SYNDIG1: variants seen among roughly 807,000 people sequenced by gnomAD.
The protein encoded by SYNDIG1 is synapse differentiation inducing 1, also known as synapse differentiation-inducing gene protein 1.
Under a neutral mutation model 19.4 loss-of-function variants are expected in SYNDIG1, and 9 were observed. The observed-to-expected ratio is 0.46, with a 90% CI of 0.28 to 0.81. SYNDIG1 has a LOEUF of 0.81. Ranked by LOEUF, SYNDIG1 falls within the 30% of genes least tolerant of loss-of-function variation. The pLI, the probability that SYNDIG1 is intolerant of heterozygous loss-of-function variation, is 0.12. For synonymous variants in SYNDIG1, 141 were observed against 145.9 expected (o/e 0.97, Z 0.24); for missense variants, 311 against 343.3 (o/e 0.91, Z 0.74).
chr20:24,566,452 A>G (rs2058043228), intron 2 of SYNDIG1, among the ~76,000 whole-genome samples: 1 of 152,244 alleles, frequency 6.6e-6, no homozygotes, highest in Admixed American at 6.5e-5. Context: ...ATCAGAGAAT[A>G]AATGAAACTA....
At chr20:24,589,965 C>CA (rs1252466797) in intron 3 of SYNDIG1, among the ~76,000 whole-genome samples, 1 of 152,220 alleles carries the variant, frequency 6.6e-6, no homozygotes, top group African/African-American at 2.4e-5. Flanking sequence ...GCCAGGCATG[C>CA]AGCAGTGAAC....
chr20:24,515,650 C>A (rs909007250), intron 1 of SYNDIG1, among the ~76,000 whole-genome samples: 1 of 151,950 alleles, frequency 6.6e-6, no homozygotes, highest in Non-Finnish European at 1.5e-5. Flanking sequence ...AGGACCTCTT[C>A]AAGGAGAACT....
chr20:24,588,637 T>C (rs911077606), intron 3 of SYNDIG1, among the ~76,000 whole-genome samples: 3 of 152,090 alleles, frequency 2.0e-5, no homozygotes, highest in African/African-American at 7.2e-5. Flanking sequence ...TGTGCTGCAG[T>C]CTCGGCTGGG....
intron 3 of SYNDIG1, among the ~76,000 whole-genome samples, chr20:24,636,257 T>C (rs948698730): frequency 4.6e-5 from 7 of 152,162 alleles, no homozygotes; most frequent in African/African-American, 1.7e-4. Context: ...GCTGCGTCAT[T>C]GTTTGGGGTA....
chr20:24,592,269 G>A (rs1788539428), intron 3 of SYNDIG1, among the ~76,000 whole-genome samples: 1 of 152,174 alleles, frequency 6.6e-6, no homozygotes. Flanking sequence ...AGTAAGCCTT[G>A]TAGGACATTA....
chr20:24,520,822 T>C (rs562456991), intron 1 of SYNDIG1, among the ~76,000 whole-genome samples: 2 of 152,220 alleles, frequency 1.3e-5, no homozygotes, highest in African/African-American at 2.4e-5. Flanking sequence ...TTTATTGTAG[T>C]AAATACATAT....
At chr20:24,544,897 T>C (rs1329185246) in intron 2 of SYNDIG1, among the ~76,000 whole-genome samples, 1 of 152,130 alleles carries the variant, frequency 6.6e-6, no homozygotes, top group East Asian at 1.9e-4. Flanking sequence ...TCTGTGACTT[T>C]CTGCAGCCAT....
intron 1 of SYNDIG1, among the ~76,000 whole-genome samples, chr20:24,539,081 A>T (rs1292041417): frequency 6.6e-6 from 1 of 152,128 alleles, no homozygotes; most frequent in Non-Finnish European, 1.5e-5. Flanking sequence ...TTGTCTATTG[A>T]TGCACAAAAA....
At chr20:24,537,906 T>C (rs970504837) in intron 1 of SYNDIG1, among the ~76,000 whole-genome samples, 1 of 152,010 alleles carries the variant, frequency 6.6e-6, no homozygotes, top group Non-Finnish European at 1.5e-5. Flanking sequence ...AGAATTCCAA[T>C]TGAGATGATC....
chr20:24,546,523 A>AG (rs1187566342), intron 2 of SYNDIG1, among the ~76,000 whole-genome samples: 1 of 152,198 alleles, frequency 6.6e-6, no homozygotes, highest in Non-Finnish European at 1.5e-5. Flanking sequence ...GCAGTGACAG[A>AG]GGTAACTGCA....
At chr20:24,590,986 C>T (rs1246446135) in intron 3 of SYNDIG1, among the ~76,000 whole-genome samples, 3 of 152,010 alleles carry the variant, frequency 2.0e-5, no homozygotes, top group Admixed American at 1.3e-4. Context: ...CAGAGGGGCG[C>T]GGAGGGACTT....
At chr20:24,577,578 G>C (rs2058250062) in intron 2 of SYNDIG1, among the ~76,000 whole-genome samples, 1 of 152,234 alleles carries the variant, frequency 6.6e-6, no homozygotes, top group Non-Finnish European at 1.5e-5. Context: ...ACACACCTGT[G>C]ATGTGGACAG....
At chr20:24,523,819 G>A (rs1003962901) in intron 1 of SYNDIG1, among the ~76,000 whole-genome samples, 4 of 152,152 alleles carry the variant, frequency 2.6e-5, no homozygotes, top group South Asian at 2.1e-4. Context: ...CTGTGCATGC[G>A]CGCTGCCGTT....
Position 24,658,549 on chromosome 20 carries a change from C to T in SYNDIG1, c.619-6797C>T, listed in dbSNP as rs2059552190. ...CCCCCTCCCACGGTCACCCCTGTGT[C>T]CTTCATCTTGCAGCCGTTTCATTAT... On this transcript the variant is annotated intron_variant, in intron 3 of 3. Transcript: ENST00000376862. The surrounding 1 kb of genome is among the most constrained non-coding windows in gnomAD (Gnocchi z 4.4). Among the ~76,000 whole-genome samples the T allele has an allele frequency of 6.6e-6, 1 of 152,196 alleles. No homozygotes were observed. Among genetic ancestry groups the T allele is most frequent in the East Asian group, 1.9e-4 (1 of 5,164 alleles).
intron 3 of SYNDIG1, among the ~76,000 whole-genome samples, chr20:24,620,489 A>G (rs2059021557): frequency 6.6e-6 from 1 of 152,198 alleles, no homozygotes. Flanking sequence ...GTTTCTGCAC[A>G]TAGGCTAATT....
chr20:24,530,039 A>C (rs62215287), intron 1 of SYNDIG1, among the ~76,000 whole-genome samples: 669 of 7,184 alleles, frequency 0.093, 259 homozygotes, highest in African/African-American at 0.14. Flanking sequence ...TGATGGTGGT[A>C]ATGGTGAGGG....
chr20:24,604,171 G>A lies in SYNDIG1; in HGVS notation c.618+19178G>A, dbSNP rs143761810. On this transcript the variant is annotated intron_variant, in intron 3 of 3. Transcript: ENST00000376862. ...TAGAACATGTACATTGTGTGGAACT[G>A]GAGCTCCACGGATTCCACACACTCG... Among the ~76,000 whole-genome samples, 9 of 152,022 alleles carry A rather than the reference G, an allele frequency of 5.9e-5. No homozygotes were observed. The East Asian group carries it at 1.7e-3, about 29-fold the overall frequency.
At chr20:24,572,117 C>T (rs528696072) in intron 2 of SYNDIG1, among the ~76,000 whole-genome samples, 1 of 152,338 alleles carries the variant, frequency 6.6e-6, no homozygotes, top group South Asian at 2.1e-4. Flanking sequence ...TGAGACTGAG[C>T]TCCCATCTCC....
chr20:24,486,961 G>A (rs1334674605), intron 1 of SYNDIG1, among the ~76,000 whole-genome samples: 1 of 152,112 alleles, frequency 6.6e-6, no homozygotes, highest in Non-Finnish European at 1.5e-5. Flanking sequence ...GCAGCCGAGA[G>A]TGTGCATTTC....
Sources: gnomAD v4.1 joint callset for allele counts (sites outside exome capture counted in the v4.1 genomes callset) on GRCh38, gnomAD v4.1.1 for gene constraint, Gnocchi (gnomAD v3.1) non-coding constraint, MANE v1.5 for transcripts, NCBI Gene and HGNC (gene_info 2026-07-23, HGNC 2026-07-21) for gene names.